Variants in CUX2 observed in about 807,000 individuals in gnomAD.
CUX2 encodes the protein homeobox protein cut-like 2.
Under a neutral mutation model 144.8 loss-of-function variants are expected in CUX2, and 40 were observed. That is an observed-to-expected ratio of 0.28 (90% CI 0.21 to 0.36). The LOEUF is 0.36. CUX2 is among the 10% of genes least tolerant of loss of function. The pLI, the probability that CUX2 is intolerant of heterozygous loss-of-function variation, is 1.00. For synonymous variants in CUX2, 827 were observed against 875.6 expected (o/e 0.94, Z 0.98); for missense variants, 1,615 against 1,994.0 (o/e 0.81, Z 3.62).
rs150010371 is a variant in CUX2, at chr12:111,035,955, CAG to C, written c.63+1732_63+1733del. Among the ~76,000 whole-genome samples the C allele has an allele frequency of 6.4e-3, 948 of 147,926 alleles. No homozygotes were observed. The highest frequency in any genetic ancestry group is 0.022 in the East Asian group (110 of 5,092). On this transcript the variant is annotated intron_variant, in intron 1 of 21. Coordinates refer to ENST00000261726, the MANE Select transcript of CUX2 (RefSeq NM_015267.4). The surrounding 1 kb of genome is among the most constrained non-coding windows in gnomAD (Gnocchi z 6.0). ...TCTGGAAGAGTGGGGGTTATGGAGG[CAG>C]AGAGAGAGAGAGAGAGGGAGAATTG...
chr12:111,049,175 A>C (rs1870142624), intron 1 of CUX2, among the ~76,000 whole-genome samples: 1 of 151,882 alleles, frequency 6.6e-6, no homozygotes, highest in African/African-American at 2.4e-5. Context: ...TCATGAATTC[A>C]TCCATCCATC....
intron 1 of CUX2, among the ~76,000 whole-genome samples, chr12:111,107,440 A>G (rs1487749322): frequency 6.6e-6 from 1 of 152,240 alleles, no homozygotes; most frequent in African/African-American, 2.4e-5. Context: ...TGTCACTTAC[A>G]ATTCTTTTCT....
rs1372715501 is a variant in CUX2 at position 111,061,148 on chromosome 12, C to G, written c.63+26908C>G. Reference sequence around the variant, plus strand: ...GCTGATCAGTGAGTCTCTGCAGGCCCAAGCTGTCCCCAGATGTGTGCATGC... The same window carrying G: ...GCTGATCAGTGAGTCTCTGCAGGCCGAAGCTGTCCCCAGATGTGTGCATGC... On this transcript the variant is annotated intron_variant, in intron 1 of 21. Coordinates refer to ENST00000261726, the MANE Select transcript of CUX2 (RefSeq NM_015267.4). The surrounding 1 kb of genome is among the most constrained non-coding windows in gnomAD (Gnocchi z 4.2). Among the ~76,000 whole-genome samples the G allele has an allele frequency of 6.6e-6, 1 of 151,282 alleles. No individual in the cohort carries two copies. Among genetic ancestry groups the G allele is most frequent in the Non-Finnish European group, 1.5e-5 (1 of 67,918 alleles).
chr12:111,164,083 C>G (rs78563527), intron 1 of CUX2, among the ~76,000 whole-genome samples: 2,452 of 152,068 alleles, frequency 0.016, 58 homozygotes, highest in African/African-American at 0.055. Flanking sequence ...TAGAACAGTC[C>G]CTGGCATGTA....
At chr12:111,102,191 C>T (rs897212460) in intron 1 of CUX2, among the ~76,000 whole-genome samples, 13 of 152,226 alleles carry the variant, frequency 8.5e-5, no homozygotes, top group African/African-American at 3.1e-4. Context: ...GGGTGTCCTG[C>T]GTGGGTGGGC....
intron 4 of CUX2, chr12:111,270,453 A>T (rs965674663): frequency 6.6e-6 from 1 of 151,784 alleles, no homozygotes; most frequent in Non-Finnish European, 1.5e-5. Flanking sequence ...TGTGGCGTGA[A>T]GTGAGAAAAA....
intron 3 of CUX2, among the ~76,000 whole-genome samples, chr12:111,223,570 A>G (rs1296433928): frequency 6.6e-6 from 1 of 152,148 alleles, no homozygotes; most frequent in Non-Finnish European, 1.5e-5. Context: ...TCTCCCCACC[A>G]CATCTCTCCA....
At chr12:111,181,294 C>G (rs941713697) in intron 1 of CUX2, among the ~76,000 whole-genome samples, 1 of 152,206 alleles carries the variant, frequency 6.6e-6, no homozygotes, top group Non-Finnish European at 1.5e-5. Context: ...AGGCCCCTCT[C>G]GGCTGTGGAG....
At position 111,199,950 on chromosome 12, in the gene CUX2, CTGTT is replaced by C. The variant is rs148157729; in HGVS notation, c.64-14247_64-14244del. The stretch of plus-strand genomic sequence containing the variant: ...CAGGAAGGCTCTTTTCTACAGCACT[CTGTT>C]TGCGTGCTGCGTGGTACCCTGCTCT... On this transcript the variant is annotated intron_variant, in intron 1 of 21. Transcript: ENST00000261726. Among the ~76,000 whole-genome samples the C allele has an allele frequency of 6.6e-3, 1,009 of 152,244 alleles. 12 individuals are homozygous for C. Among genetic ancestry groups the C allele is most frequent in the African/African-American group, 0.022 (925 of 41,524 alleles).
In CUX2 at chr12:111,287,857, G is replaced by A. The variant is rs1012320488; in HGVS notation, c.302-3561G>A. Among the ~76,000 whole-genome samples the A allele has an allele frequency of 2.6e-5, 4 of 152,200 alleles. No homozygotes were observed. Among genetic ancestry groups the A allele is most frequent in the South Asian group, 4.1e-4 (2 of 4,826 alleles). On this transcript the variant is annotated intron_variant, in intron 4 of 21. Transcript: ENST00000261726. This position sits in a 1 kb window ranked among gnomAD's most constrained non-coding sequence, Gnocchi z 4.2. ...AGGCCCCATGTACAGGCATTGCCCC[G>A]TTTCTTCCATCAGCAGATCTTTGTT...
intron 3 of CUX2, among the ~76,000 whole-genome samples, chr12:111,227,481 C>A (rs1018858998): frequency 6.6e-6 from 1 of 152,136 alleles, no homozygotes; most frequent in Admixed American, 6.5e-5. Flanking sequence ...TAAAGAGGAT[C>A]GTGGTGATTC....
chr12:111,080,129 T>C (rs925257437), intron 1 of CUX2, among the ~76,000 whole-genome samples: 6 of 152,150 alleles, frequency 3.9e-5, no homozygotes, highest in African/African-American at 1.2e-4. Flanking sequence ...CTCAGGGCCT[T>C]TGCACTGGCT....
intron 1 of CUX2, among the ~76,000 whole-genome samples, chr12:111,169,700 T>C (rs1878393631): frequency 6.6e-6 from 1 of 152,226 alleles, no homozygotes; most frequent in Non-Finnish European, 1.5e-5. Context: ...AAAGGGGTCT[T>C]AAAACGCCCA....
rs75880843 is a variant in CUX2 at position 111,229,390 on chromosome 12, C to T, written c.222+11453C>T. Among the ~76,000 whole-genome samples the T allele has an allele frequency of 4.6e-3, 694 of 152,248 alleles. 4 individuals carry two copies. The highest frequency in any genetic ancestry group is 0.016 in the African/African-American group (672 of 41,546). On this transcript the variant is annotated intron_variant, in intron 3 of 21. Transcript: ENST00000261726. Reference sequence around the variant, plus strand: ...GCCCTGCAGGAGGCCTTCAGACATCCAATATCAGTCAAACCTCCCAGATGC... The same window carrying T: ...GCCCTGCAGGAGGCCTTCAGACATCTAATATCAGTCAAACCTCCCAGATGC...
At chr12:111,112,366 G>C (rs1443227513) in intron 1 of CUX2, among the ~76,000 whole-genome samples, 1 of 152,204 alleles carries the variant, frequency 6.6e-6, no homozygotes, top group Admixed American at 6.5e-5. Context: ...TCTGGAATTA[G>C]TGAACCACCT....
At chr12:111,148,000 T>G (rs1876805426) in intron 1 of CUX2, among the ~76,000 whole-genome samples, 1 of 152,132 alleles carries the variant, frequency 6.6e-6, no homozygotes, top group South Asian at 2.1e-4. Flanking sequence ...TCTTAAAAAC[T>G]TAAAACTAGA....
chr12:111,138,176 G>C (rs1270924490), intron 1 of CUX2, among the ~76,000 whole-genome samples: 1 of 152,208 alleles, frequency 6.6e-6, no homozygotes, highest in African/African-American at 2.4e-5. Flanking sequence ...TGCCAGTCTC[G>C]CTCCACGCAC....
intron 18 of CUX2, among the ~76,000 whole-genome samples, chr12:111,331,764 T>TCA (rs1269500007): frequency 1.3e-5 from 2 of 151,916 alleles, no homozygotes; most frequent in Non-Finnish European, 2.9e-5. Context: ...CAATATATAG[T>TCA]CACACAAAAT....
At chr12:111,174,169 C>T (rs1388485532) in intron 1 of CUX2, among the ~76,000 whole-genome samples, 1 of 152,146 alleles carries the variant, frequency 6.6e-6, no homozygotes, top group Non-Finnish European at 1.5e-5. Flanking sequence ...TATCAACATC[C>T]AGTTTACATC....
Sources: allele counts gnomAD v4.1 joint callset (sites outside exome capture counted in the v4.1 genomes callset), GRCh38; gene constraint gnomAD v4.1.1; non-coding constraint Gnocchi (gnomAD v3.1); transcripts MANE v1.5; gene names NCBI Gene and HGNC (gene_info 2026-07-23, HGNC 2026-07-21).